Variants in USP34 observed in about 807,000 individuals in gnomAD.
USP34 encodes ubiquitin specific peptidase 34.
USP34 carries 70 observed loss-of-function variants against 460.3 expected under a neutral mutation model. The observed-to-expected ratio is 0.15, with a 90% CI of 0.13 to 0.19. The LOEUF is 0.19. USP34 is among the 10% of genes least tolerant of loss of function. The probability of loss-of-function intolerance (pLI) is 1.00; values close to 1 mark genes in which losing one functional copy is unlikely to be tolerated. For synonymous variants in USP34, 1,647 were observed against 1,405.3 expected (o/e 1.17, Z -3.85); for missense variants, 3,985 against 4,236.2 (o/e 0.94, Z 1.65).
At chr2:61,344,346 G>A (rs565314304) in intron 15 of USP34, among the ~76,000 whole-genome samples, 7 of 152,122 alleles carry the variant, frequency 4.6e-5, no homozygotes, top group African/African-American at 7.2e-5. Context: ...TCTATAAAAT[G>A]TGAAACCATA....
chr2:61,419,826 G>A (rs564067506), intron 2 of USP34, among the ~76,000 whole-genome samples: 1 of 152,060 alleles, frequency 6.6e-6, no homozygotes, highest in African/African-American at 2.4e-5. Flanking sequence ...TATTCATCTA[G>A]TCCATCCCTA....
At chr2:61,361,508 G>A (rs989447402) in intron 10 of USP34, among the ~76,000 whole-genome samples, 2 of 152,078 alleles carry the variant, frequency 1.3e-5, no homozygotes, top group African/African-American at 2.4e-5. Flanking sequence ...ACAAATCCAT[G>A]CATCTACAAT....
intron 20 of USP34, 120 bp downstream of exon 20, chr2:61,331,154 TAC>T: frequency 1.2e-6 from 1 of 829,946 alleles, no homozygotes; most frequent in Non-Finnish European, 1.8e-6. Context: ...CATAATTTTA[TAC>T]AAATAAAGTT....
intron 41 of USP34, among the ~76,000 whole-genome samples, chr2:61,268,334 G>C (rs4672429): frequency 0.23 from 34,481 of 148,124 alleles, 4,019 homozygotes; most frequent in South Asian, 0.34. Flanking sequence ...GTGAGGTCTA[G>C]TGAGAGGTGT....
At chr2:61,264,043 A>G (rs1688975251) in intron 43 of USP34, among the ~76,000 whole-genome samples, 1 of 152,220 alleles carries the variant, frequency 6.6e-6, no homozygotes, top group South Asian at 2.1e-4. Context: ...AGCTAAAAAG[A>G]AAACCACTGA....
At position 61,319,232 on chromosome 2, in the gene USP34, G is replaced by T. The variant is rs1690840912; in HGVS notation, c.3109C>A (p.Arg1037=). 1 of 1,592,014 alleles carries T rather than the reference G, an allele frequency of 6.3e-7. No individual in the cohort carries two copies. The highest frequency in any genetic ancestry group is 8.5e-7 in the Non-Finnish European group (1 of 1,173,376). ...CCCATAGCATGTTGATCTTTACTTCGAACTTGATTTAAAAACCAATGGAGT... is the reference window on the plus strand; with the variant it reads ...CCCATAGCATGTTGATCTTTACTTCTAACTTGATTTAAAAACCAATGGAGT... The part of the protein sequence containing the change: ...DALHWFLNQV[R]SKDQHAMGME... The change falls in exon 22 of 80, where the codon CGA becomes AGA. Residue 1037 remains arginine, a synonymous_variant. Transcript: ENST00000398571.
intron 10 of USP34, among the ~76,000 whole-genome samples, chr2:61,366,100 A>T (rs548766486): frequency 6.6e-6 from 1 of 152,254 alleles, no homozygotes; most frequent in East Asian, 1.9e-4. Context: ...TAATTTTTGT[A>T]CTTTTAGTAG....
At chr2:61,250,425 G>C (rs765350167) in intron 48 of USP34, 30 of 156,358 alleles carry the variant, frequency 1.9e-4, no homozygotes, top group Middle Eastern at 1.4e-3. Context: ...GGTACTGTTA[G>C]TCTCTCCTGT....
Position 61,348,868 on chromosome 2 carries a change from G to A in USP34, c.1562C>T (p.Pro521Leu). 6.2e-7 allele frequency: 1 copy of A among 1,611,838 alleles called. No individual in the cohort carries two copies. Among genetic ancestry groups the A allele is most frequent in the Non-Finnish European group, 8.5e-7 (1 of 1,179,128 alleles). ...APSPWSPAAS[P>L]QSSDNSDTHQ... ...TGTATCGCTATTATCACTGCTTTGA[G>A]GACTAGCTGCAGGTGACCCTATATA... The change falls in exon 14 of 80, where the codon CCT (proline) becomes CTT (leucine). Residue 521 changes from proline (P) to leucine (L), a missense_variant. Pro to Leu is a moderately conservative substitution (Grantham distance 98). Coordinates refer to ENST00000398571, the MANE Select transcript of USP34 (RefSeq NM_014709.4).
rs1691907592 is a variant in USP34, at chr2:61,350,302, C to T, written c.1465G>A (p.Ala489Thr). ...KAQLSKQSSFASLLNTNIPIG... is the reference protein window; with the variant it reads ...KAQLSKQSSFTSLLNTNIPIG... ...GGAATATTAGTATTTAATAAAGATGCAAAAGAACTCTGTTTAGATAACTGA... is the reference window on the plus strand; with the variant it reads ...GGAATATTAGTATTTAATAAAGATGTAAAAGAACTCTGTTTAGATAACTGA... The change falls in exon 12 of 80, where the codon GCA becomes ACA. Residue 489 changes from alanine to threonine, a missense_variant. Physicochemically the swap from Ala to Thr is moderately conservative, Grantham distance 58. Transcript: ENST00000398571. 1 of 1,611,908 alleles carries T rather than the reference C, an allele frequency of 6.2e-7. No individual in the cohort carries two copies. The highest frequency in any genetic ancestry group is 1.7e-5 in the Admixed American group (1 of 59,738).
intron 1 of USP34, among the ~76,000 whole-genome samples, chr2:61,460,404 A>G (rs530960957): frequency 9.8e-5 from 15 of 152,346 alleles, no homozygotes; most frequent in Non-Finnish European, 1.6e-4. Flanking sequence ...CCACTGTGGC[A>G]CTACACAATG....
At chr2:61,392,297 C>T (rs987752213) in intron 5 of USP34, among the ~76,000 whole-genome samples, 2 of 152,074 alleles carry the variant, frequency 1.3e-5, no homozygotes, top group Admixed American at 1.3e-4. Context: ...TACTACCGCA[C>T]AGCAGAACTC....
At chr2:61,266,296 T>C in intron 41 of USP34, 129 bp from the exon 42 acceptor site, 1 of 847,294 alleles carries the variant, frequency 1.2e-6, no homozygotes. Context: ...TGATATACCA[T>C]CATCTGAAAG....
chr2:61,324,666 A>T (rs1256045773), intron 21 of USP34, among the ~76,000 whole-genome samples: 1 of 152,010 alleles, frequency 6.6e-6, no homozygotes, highest in African/African-American at 2.4e-5. Context: ...GTTACTGAGG[A>T]GGCTAAGGTG....
chr2:61,318,430 T>C (rs572051959), intron 22 of USP34, among the ~76,000 whole-genome samples: 121 of 152,170 alleles, frequency 8.0e-4, no homozygotes, highest in Non-Finnish European at 1.5e-3. Context: ...TGGCAAAAGT[T>C]ATATTTGTAG....
At chr2:61,310,214 A>C (rs1266682512) in intron 27 of USP34, among the ~76,000 whole-genome samples, 1 of 152,166 alleles carries the variant, frequency 6.6e-6, no homozygotes, top group African/African-American at 2.4e-5. Flanking sequence ...CAACCTAACC[A>C]AAGCAGATAC....
intron 53 of USP34, among the ~76,000 whole-genome samples, chr2:61,238,748 G>A (rs1181018975): frequency 6.6e-6 from 1 of 152,036 alleles, no homozygotes; most frequent in Non-Finnish European, 1.5e-5. Flanking sequence ...GTTGGCTTAG[G>A]TCTGCAATGA....
At chr2:61,212,722 AATAG>A (rs1687303744) in intron 68 of USP34, among the ~76,000 whole-genome samples, 1 of 152,206 alleles carries the variant, frequency 6.6e-6, no homozygotes, top group South Asian at 2.1e-4. Context: ...GAAAATTTCT[AATAG>A]ATAAGGACAT....
chr2:61,277,113 A>G (rs1452140739), intron 41 of USP34, among the ~76,000 whole-genome samples: 2 of 152,220 alleles, frequency 1.3e-5, no homozygotes, highest in African/African-American at 4.8e-5. Context: ...TCTTTAAAAT[A>G]TGAAACGAGT....
Sources: allele counts gnomAD v4.1 joint callset (sites outside exome capture counted in the v4.1 genomes callset), GRCh38; gene constraint gnomAD v4.1.1; transcripts MANE v1.5; gene names NCBI Gene and HGNC (gene_info 2026-07-23, HGNC 2026-07-21).